The following ERC1 variants were observed in gnomAD, a reference collection of about 807,000 sequenced individuals.
The protein encoded by ERC1 is RAB6 interacting protein 2.
In ERC1, 56 loss-of-function variants were observed where a neutral mutation model predicts 132.0. That is an observed-to-expected ratio of 0.42 (90% CI 0.34 to 0.53). The LOEUF (loss-of-function observed/expected upper bound fraction) is 0.53. Among genes scored for constraint, ERC1 ranks in the 20% least tolerant of loss-of-function variants. ERC1 has a pLI of 0.03. For synonymous variants in ERC1, 478 were observed against 476.1 expected, an observed-to-expected ratio of 1.00 and a Z score of -0.05; for missense variants, 1,202 against 1,349.9, an observed-to-expected ratio of 0.89 and a Z score of 1.72.
In ERC1 at chr12:1,329,976, A is replaced by G. The variant is rs530945787; in HGVS notation, c.2780+39964A>G. Among the ~76,000 whole-genome samples, 4 of 152,344 alleles carry G rather than the reference A, an allele frequency of 2.6e-5. No homozygotes were observed. In the East Asian group the frequency reaches 7.7e-4, roughly 29 times the overall value. Reference sequence around the variant, plus strand: ...TAACAGTTCCCAATGGAAGTAAATTATAAAAGCTGAGATGGCAATATTTAA... The same window carrying G: ...TAACAGTTCCCAATGGAAGTAAATTGTAAAAGCTGAGATGGCAATATTTAA... On this transcript the variant is annotated intron_variant, in intron 15 of 18. Coordinates refer to ENST00000360905, the MANE Select transcript of ERC1 (RefSeq NM_178040.4).
chr12:1,010,396 G>A (rs1422208864), intron 1 of ERC1, among the ~76,000 whole-genome samples: 1 of 149,858 alleles, frequency 6.7e-6, no homozygotes, highest in Non-Finnish European at 1.5e-5. Context: ...CAGGAGAATC[G>A]CTTGAACCCG....
intron 16 of ERC1, among the ~76,000 whole-genome samples, chr12:1,385,038 A>G (rs1183555248): frequency 6.6e-6 from 1 of 152,224 alleles, no homozygotes; most frequent in Non-Finnish European, 1.5e-5. Flanking sequence ...TTACGAGTAC[A>G]CCCAAAGTGC....
At chr12:1,331,139 G>A (rs1354408457) in intron 15 of ERC1, among the ~76,000 whole-genome samples, 1 of 152,158 alleles carries the variant, frequency 6.6e-6, no homozygotes, top group Non-Finnish European at 1.5e-5. Flanking sequence ...CAATACTCCA[G>A]AAGCCCTCTT....
chr12:1,408,282 C>A, intron 17 of ERC1, 35 bp downstream of exon 17: 1 of 1,484,522 alleles, frequency 6.7e-7, no homozygotes, highest in South Asian at 1.2e-5. Context: ...TTAAAAAACC[C>A]ACACACTTAA....
intron 17 of ERC1, among the ~76,000 whole-genome samples, chr12:1,432,042 C>T (rs2092811874): frequency 1.3e-5 from 2 of 152,170 alleles, no homozygotes; most frequent in Admixed American, 6.5e-5. Flanking sequence ...CCTTACCCTG[C>T]TGACTTTTTA....
At chr12:1,401,113 T>G (rs1301439575) in intron 16 of ERC1, among the ~76,000 whole-genome samples, 1 of 150,608 alleles carries the variant, frequency 6.6e-6, no homozygotes, top group East Asian at 1.9e-4. Context: ...TTTTTTGTAT[T>G]TTTAGTAGAG....
chr12:1,166,215 T>C (rs1952413216), intron 8 of ERC1, among the ~76,000 whole-genome samples: 1 of 152,164 alleles, frequency 6.6e-6, no homozygotes, highest in Non-Finnish European at 1.5e-5. Flanking sequence ...TGGGAGGCAA[T>C]TGCATCATGG....
chr12:1,427,336 A>G (rs983316634), intron 17 of ERC1, among the ~76,000 whole-genome samples: 17 of 152,270 alleles, frequency 1.1e-4, no homozygotes, highest in Middle Eastern at 3.4e-3. Context: ...ATTGGAGGAG[A>G]GATTTATAGT....
intron 18 of ERC1, among the ~76,000 whole-genome samples, chr12:1,471,983 C>T (rs1448439504): frequency 2.0e-5 from 3 of 152,206 alleles, no homozygotes; most frequent in Admixed American, 1.3e-4. Context: ...CTTGAGACCT[C>T]AGCTGTCTTA....
chr12:1,311,364 T>C (rs1177685843), intron 15 of ERC1, among the ~76,000 whole-genome samples: 2 of 142,586 alleles, frequency 1.4e-5, no homozygotes, highest in South Asian at 2.2e-4. Context: ...ACTTCAGTAG[T>C]GTTAGAGGTA....
intron 15 of ERC1, among the ~76,000 whole-genome samples, chr12:1,292,959 A>C: frequency 6.6e-6 from 1 of 151,998 alleles, no homozygotes. Context: ...ATCCTGGCCA[A>C]CATGGTGAAC....
chr12:1,019,377 G>A (rs990870543), intron 1 of ERC1, among the ~76,000 whole-genome samples: 2 of 152,128 alleles, frequency 1.3e-5, no homozygotes, highest in South Asian at 2.1e-4. Flanking sequence ...ATCCTGCCTC[G>A]GGTTCCCGAA....
chr12:1,487,395 T>G (rs2094239250), intron 18 of ERC1, among the ~76,000 whole-genome samples: 1 of 137,110 alleles, frequency 7.3e-6, no homozygotes, highest in Non-Finnish European at 1.5e-5. Flanking sequence ...TTTTTTTTTT[T>G]TTTTTGCCTG....
At position 1,093,278 on chromosome 12, in the gene ERC1, GT is replaced by G. The variant is rs1465233717; in HGVS notation, c.1086+9701del. ...CTGTTTGTACTCAAATCACATTGTT[GT>G]TTGACCGCTTATTCTTAGCTTTTGT... On this transcript the variant is annotated intron_variant, in intron 3 of 18. Transcript: ENST00000360905. Among the ~76,000 whole-genome samples, 126 of 144,940 alleles carry G rather than the reference GT, an allele frequency of 8.7e-4. 1 individual carries two copies. The highest frequency in any genetic ancestry group is 2.9e-3 in the African/African-American group (118 of 41,334).
At chr12:1,201,631 A>C (rs554784661) in intron 12 of ERC1, among the ~76,000 whole-genome samples, 2 of 152,326 alleles carry the variant, frequency 1.3e-5, no homozygotes, top group South Asian at 4.1e-4. Context: ...ATATTCAGGC[A>C]TCTGTTGCAT....
At chr12:1,487,043 T>C (rs150838559) in intron 18 of ERC1, among the ~76,000 whole-genome samples, 156 of 152,330 alleles carry the variant, frequency 1.0e-3, no homozygotes, top group African/African-American at 3.4e-3. Context: ...GCTGAGACTT[T>C]AGGGTCTGTA....
intron 3 of ERC1, among the ~76,000 whole-genome samples, chr12:1,095,086 TA>T (rs1368458875): frequency 6.6e-6 from 1 of 152,172 alleles, no homozygotes; most frequent in Non-Finnish European, 1.5e-5. Context: ...GGTGTGCAAG[TA>T]AAAGTTGACT....
At chr12:1,032,877 ATTG>A (rs146624047) in intron 2 of ERC1, among the ~76,000 whole-genome samples, 3,477 of 151,014 alleles carry the variant, frequency 0.023, 131 homozygotes, top group African/African-American at 0.081. Context: ...TTTTTTTTTA[ATTG>A]TTGTTGTTTT....
intron 14 of ERC1, 133 bp from the exon 15 acceptor site, chr12:1,289,719 G>T: frequency 1.6e-6 from 1 of 641,686 alleles, no homozygotes. Context: ...AACTGATCCA[G>T]AAAGAGTACA....
Sources: gnomAD v4.1 joint callset for allele counts (sites outside exome capture counted in the v4.1 genomes callset) on GRCh38, gnomAD v4.1.1 for gene constraint, MANE v1.5 for transcripts, NCBI Gene and HGNC (gene_info 2026-07-23, HGNC 2026-07-21) for gene names.